The following HTATSF1 variants were observed in gnomAD, a reference collection of about 807,000 sequenced individuals.
HTATSF1 encodes HIV-1 Tat specific factor 1, also known as 17S U2 SnRNP complex component HTATSF1.
In HTATSF1, 6 loss-of-function variants were observed where a neutral mutation model predicts 46.1. That is an observed-to-expected ratio of 0.13 (90% CI 0.07 to 0.26). The LOEUF is 0.26. Ranked by LOEUF, HTATSF1 falls within the 10% of genes least tolerant of loss-of-function variation. HTATSF1 has a pLI of 1.00. For synonymous variants in HTATSF1, 226 were observed against 211.5 expected (o/e 1.07, Z -0.60); for missense variants, 452 against 559.9 (o/e 0.81, Z 1.94).
Position 136,511,989 on chromosome X carries a change from CGAT to C in HTATSF1, c.2253_2255del (p.Asp754del). ...CTGGCAGCAGCTTTATTCTCAGTAG[CGAT>C]GATGATGACGATGATATTTAATCCC... On this transcript the variant is annotated inframe_deletion, in exon 9 of 9. Coordinates refer to ENST00000218364, the MANE Select transcript of HTATSF1 (RefSeq NM_014500.5). 4 of 1,203,841 alleles carry C rather than the reference CGAT, an allele frequency of 3.3e-6. No homozygotes were observed. Among genetic ancestry groups the C allele is most frequent in the Non-Finnish European group, 4.5e-6 (4 of 891,822 alleles).
At chrX:136,500,307 T>A (rs1225518770) in intron 3 of HTATSF1, 102 bp downstream of exon 3, 4 of 570,298 alleles carry the variant, frequency 7.0e-6, no homozygotes, top group African/African-American at 2.3e-5. Flanking sequence ...GTCCATTTTT[T>A]ATCATTGTGT....
intron 6 of HTATSF1, among the ~76,000 whole-genome samples, chrX:136,505,763 G>A (rs1019040026): frequency 9.0e-6 from 1 of 111,062 alleles, no homozygotes; most frequent in Non-Finnish European, 1.9e-5. Context: ...CTCCAGCCTG[G>A]GCAACGGAGC....
At chrX:136,503,459 CT>C (rs2075728404) in intron 5 of HTATSF1, among the ~76,000 whole-genome samples, 1 of 111,914 alleles carries the variant, frequency 8.9e-6, no homozygotes, top group Non-Finnish European at 1.9e-5. Context: ...ATGATAAATA[CT>C]TTTATCAGAG....
At chrX:136,508,627 A>G (rs2075753472) in intron 6 of HTATSF1, among the ~76,000 whole-genome samples, 1 of 112,923 alleles carries the variant, frequency 8.9e-6, no homozygotes, top group African/African-American at 3.2e-5. Flanking sequence ...TTGGAAGCAC[A>G]AAAATCAATC....
Position 136,511,696 on chromosome X carries a change from G to A in HTATSF1, c.1951G>A (p.Ala651Thr), listed in dbSNP as rs1356270163. The A allele has an allele frequency of 8.3e-7, 1 of 1,211,321 alleles. No individual in the cohort carries two copies. The highest frequency in any genetic ancestry group is 1.1e-6 in the Non-Finnish European group (1 of 895,054). ...TGATGAGAAAGAGGATGAAGAATAT[G>A]CAGATGAAAAGGGGCTTGAAGCTGC... ...ESDEKEDEEY[A>T]DEKGLEAADK... Residue 651 changes from alanine (A) to threonine (T), a missense_variant, in exon 9 of 9, where the codon GCA becomes ACA. Physicochemically the swap from Ala to Thr is moderately conservative, Grantham distance 58. Around this residue, in one of 3 missense-constraint regions of HTATSF1, gnomAD observed 246 missense variants for 245.3 expected, o/e 1.00. Coordinates refer to ENST00000218364, the MANE Select transcript of HTATSF1 (RefSeq NM_014500.5).
chrX:136,501,945 A>C (rs998746357), intron 4 of HTATSF1, among the ~76,000 whole-genome samples: 1 of 111,935 alleles, frequency 8.9e-6, no homozygotes, highest in African/African-American at 3.3e-5. Context: ...TTAAAGGAAA[A>C]AAATTGAGTT....
In HTATSF1 at chrX:136,511,825, G is replaced by A. The variant is rs757002909; in HGVS notation, c.2080G>A (p.Glu694Lys). 5 of 1,211,467 alleles carry A rather than the reference G, an allele frequency of 4.1e-6. No homozygotes were observed. The highest frequency in any genetic ancestry group is 5.6e-6 in the Non-Finnish European group (5 of 895,302). ...TGGAAAGGAAGTTGAAGATGCTGAC[G>A]AAAAGTTGTTCGAAGATGATGATTC... ...ADGKEVEDAD[E>K]KLFEDDDSNE... The change falls in exon 9 of 9, where the codon GAA becomes AAA. Residue 694 changes from glutamate (E) to lysine (K), a missense_variant. Transcript: ENST00000218364.
intron 3 of HTATSF1, 139 bp from the exon 4 acceptor site, chrX:136,500,525 C>A: frequency 2.2e-6 from 1 of 448,550 alleles, no homozygotes; most frequent in Non-Finnish European, 3.7e-6. Context: ...TCTTCAGTTC[C>A]GTAAATGTAA....
At position 136,509,123 on chromosome X, in the gene HTATSF1, A is replaced by G. The variant is rs1569354995; in HGVS notation, c.867A>G (p.Glu289=). Reference sequence around the variant, plus strand: ...CGTTGGTGCTGAATGAGATCAGAGAAGACCTTCGAGTAGAGTGTTCGAAGT... The same window carrying G: ...CGTTGGTGCTGAATGAGATCAGAGAGGACCTTCGAGTAGAGTGTTCGAAGT... ...DDPLVLNEIR[E]DLRVECSKFG... The change falls in exon 7 of 9, where the codon GAA becomes GAG. Residue 289 remains glutamate (E), a synonymous_variant. Transcript: ENST00000218364. 8.3e-7 allele frequency: 1 copy of G among 1,208,477 alleles called. No homozygotes were observed. The highest frequency in any genetic ancestry group is 1.1e-6 in the Non-Finnish European group (1 of 892,574).
upstream of HTATSF1, chrX:136,497,483 G>A (rs1195921734): frequency 1.8e-5 from 4 of 222,656 alleles, no homozygotes; most frequent in South Asian, 7.2e-4. Flanking sequence ...GCGCGCGCGC[G>A]CGGTGGGCGG....
Position 136,505,086 on chromosome X carries a change from T to C in HTATSF1, c.834+623T>C, listed in dbSNP as rs760417433. On this transcript the variant is annotated intron_variant, in intron 6 of 8. Transcript: ENST00000218364. Reference sequence around the variant, plus strand: ...GTGTTACATTCTGCCTGTATTCTTATCTCTGTCTACTGGTGTAGACTGACT... The same window carrying C: ...GTGTTACATTCTGCCTGTATTCTTACCTCTGTCTACTGGTGTAGACTGACT... 2.7e-5 allele frequency among the ~76,000 whole-genome samples: 3 copies of C among 112,496 alleles called. No homozygotes were observed. In the East Asian group the frequency reaches 8.3e-4, roughly 31 times the overall value.
chrX:136,498,577 C>T (rs1461204045), intron 1 of HTATSF1, among the ~76,000 whole-genome samples: 1 of 112,580 alleles, frequency 8.9e-6, no homozygotes, highest in East Asian at 2.8e-4. Context: ...ACTAATAGCA[C>T]ACAAATTGAC....
Position 136,497,856 on chromosome X carries a change from G to T in HTATSF1, c.172G>T (p.Ala58Ser). Residue 58 changes from alanine to serine, a missense_variant, in exon 1 of 9, where the codon GCT becomes TCT. Physicochemically the swap from Ala to Ser is moderately conservative, Grantham distance 99 (BLOSUM62 1). Transcript: ENST00000218364. ...CTACGAGTGGGACCTGGACAAAAAG[G>T]CTTGGTTCCCCAAGGTAGGAGAGTG... ...TPYEWDLDKK[A>S]WFPKITEDFI... 3.4e-6 allele frequency: 4 copies of T among 1,171,019 alleles called. No individual in the cohort carries two copies. The highest frequency in any genetic ancestry group is 1.9e-5 in the South Asian group (1 of 52,728).
chrX:136,511,484 A>G lies in HTATSF1; in HGVS notation c.1739A>G (p.Glu580Gly). 1 of 1,208,703 alleles carries G rather than the reference A, an allele frequency of 8.3e-7. No homozygotes were observed. Among genetic ancestry groups the G allele is most frequent in the Non-Finnish European group, 1.1e-6 (1 of 894,524 alleles). ...AAAGATTTGGACGAGGAAGGTTCTG[A>G]AAAGGAGCTTCATGAAAATGTTCTT... ...LEKDLDEEGS[E>G]KELHENVLDK... The change falls in exon 9 of 9, where the codon GAA (glutamate) becomes GGA (glycine). Residue 580 changes from glutamate to glycine, a missense_variant. Glu to Gly is a moderately conservative substitution (Grantham distance 98). Transcript: ENST00000218364.
chrX:136,506,325 C>A (rs769560380), intron 6 of HTATSF1, among the ~76,000 whole-genome samples: 21 of 111,453 alleles, frequency 1.9e-4, no homozygotes, highest in African/African-American at 6.8e-4. Flanking sequence ...ATAAACATTA[C>A]TTTGGAGTTA....
In HTATSF1 at chrX:136,497,761, A is replaced by G; in HGVS notation, c.77A>G (p.Lys26Arg). ...LRMQELYGDG[K>R]DGDTQTDAGG... ...ATGCAAGAATTGTACGGAGACGGCA[A>G]GGATGGTGACACCCAGACCGATGCC... The change falls in exon 1 of 9, where the codon AAG becomes AGG. Residue 26 changes from lysine (K) to arginine (R), a missense_variant. Coordinates refer to ENST00000218364, the MANE Select transcript of HTATSF1 (RefSeq NM_014500.5). 1 of 1,206,309 alleles carries G rather than the reference A, an allele frequency of 8.3e-7. No individual in the cohort carries two copies. The highest frequency in any genetic ancestry group is 1.1e-6 in the Non-Finnish European group (1 of 891,174).
At chrX:136,505,516 AG>A (rs2075737942) in intron 6 of HTATSF1, among the ~76,000 whole-genome samples, 1 of 112,652 alleles carries the variant, frequency 8.9e-6, no homozygotes, top group African/African-American at 3.2e-5. Flanking sequence ...GAAATATAAC[AG>A]TTTACAGTTT....
rs1204064318 is a variant in HTATSF1, at chrX:136,511,308, T to C, written c.1563T>C (p.Ser521=). 8.3e-7 allele frequency: 1 copy of C among 1,206,071 alleles called. No homozygotes were observed. Among genetic ancestry groups the C allele is most frequent in the Admixed American group, 2.2e-5 (1 of 44,637 alleles). The part of the protein sequence containing the change: ...DCEENGLAKE[S]EDDLNKESEE... ...AAGAGAATGGCCTTGCAAAGGAATC[T>C]GAAGATGACCTCAACAAGGAGTCTG... The change falls in exon 9 of 9, where the codon TCT becomes TCC. Residue 521 remains serine (S), a synonymous_variant. Coordinates refer to ENST00000218364, the MANE Select transcript of HTATSF1 (RefSeq NM_014500.5).
rs765796316 is a variant in HTATSF1 at position 136,511,461 on chromosome X, A to G, written c.1716A>G (p.Lys572=). The G allele has an allele frequency of 5.0e-6, 6 of 1,210,258 alleles. No homozygotes were observed. Among genetic ancestry groups the G allele is most frequent in the Middle Eastern group, 2.3e-4 (1 of 4,349 alleles). The change falls in exon 9 of 9, where the codon AAA becomes AAG. Residue 572 remains lysine (K), a synonymous_variant. Transcript: ENST00000218364. The stretch of plus-strand genomic sequence containing the variant: ...AATTTGAAGAAAATGGTCTCGAGAA[A>G]GATTTGGACGAGGAAGGTTCTGAAA... The part of the protein sequence containing the change: ...EREFEENGLE[K]DLDEEGSEKE...
Sources: allele counts gnomAD v4.1 joint callset (sites outside exome capture counted in the v4.1 genomes callset), GRCh38; gene constraint gnomAD v4.1.1; regional missense constraint gnomAD v4.1.1; transcripts MANE v1.5; gene names NCBI Gene and HGNC (gene_info 2026-07-23, HGNC 2026-07-21).